The following TENT4B variants were observed in gnomAD, a reference collection of about 807,000 sequenced individuals.
TENT4B encodes terminal nucleotidyltransferase 4B.
TENT4B carries 10 observed loss-of-function variants against 75.0 expected under a neutral mutation model. That is an observed-to-expected ratio of 0.13 (90% confidence interval 0.08 to 0.23). TENT4B has a LOEUF of 0.23. Among genes scored for constraint, TENT4B ranks in the 10% least tolerant of loss-of-function variants. TENT4B has a pLI of 1.00. For missense variants in TENT4B, 579 were observed against 893.8 expected, an observed-to-expected ratio of 0.65 and a Z score of 4.49; for synonymous variants, 350 against 357.7, an observed-to-expected ratio of 0.98 and a Z score of 0.24.
intron 1 of TENT4B, among the ~76,000 whole-genome samples, chr16:50,185,538 A>G (rs6500298): frequency 0.67 from 101,509 of 152,120 alleles, 35,751 homozygotes; most frequent in South Asian, 0.77. Flanking sequence ...TTCACTGTGT[A>G]AAATGGTTGA....
intron 1 of TENT4B, among the ~76,000 whole-genome samples, chr16:50,169,387 G>GTTTTTTTTTTTTTTTTTTT (rs552275205): frequency 1.5e-5 from 1 of 65,780 alleles, no homozygotes; most frequent in African/African-American, 6.0e-5. Context: ...GATTTTGTGG[G>GTTTTTTTTTTTTTTTTTTT]TTTTTTTTTT....
chr16:50,216,075 T>C lies in TENT4B; in HGVS notation c.810T>C (p.Ser270=), dbSNP rs1863708941. 6.2e-7 allele frequency: 1 copy of C among 1,613,820 alleles called. No individual in the cohort carries two copies. Among genetic ancestry groups the C allele is most frequent in the South Asian group, 1.1e-5 (1 of 91,078 alleles). Residue 270 remains serine (S), a splice_region_variant and synonymous_variant, in exon 4 of 12, where the codon AGT becomes AGC. Coordinates refer to ENST00000561678, the MANE Select transcript of TENT4B (RefSeq NM_001365324.3). ...TCTTGTATATGTATTCTGTGTTCAG[T>C]GACATCGACCTAGTGGTGTTTGGGA... is the stretch of plus-strand genomic sequence containing the variant. The part of the protein sequence containing the change: ...SFKTGLYLPT[S]DIDLVVFGKW...
chr16:50,186,714 C>T (rs2038533980), intron 1 of TENT4B, among the ~76,000 whole-genome samples: 1 of 152,000 alleles, frequency 6.6e-6, no homozygotes, highest in South Asian at 2.1e-4. Context: ...AGTTCAAGGG[C>T]TCCAGTCTCT....
intron 1 of TENT4B, among the ~76,000 whole-genome samples, chr16:50,158,810 C>G (rs965126406): frequency 6.6e-6 from 1 of 151,976 alleles, no homozygotes; most frequent in Non-Finnish European, 1.5e-5. Flanking sequence ...ATTTCTTAAA[C>G]TAGGATGGTG....
rs1183306874 is a variant in TENT4B at position 50,154,037 on chromosome 16, C to T, written c.416C>T (p.Pro139Leu). 1.3e-6 allele frequency: 2 copies of T among 1,532,550 alleles called. No homozygotes were observed. Among genetic ancestry groups the T allele is most frequent in the African/African-American group, 1.4e-5 (1 of 72,796 alleles). 94.9% of individuals were successfully genotyped at this position (1,532,550 alleles called of 1,614,324 possible). Residue 139 changes from proline to leucine, a missense_variant, in exon 1 of 12, where the codon CCG (proline) becomes CTG (leucine). By Grantham distance (98) the Pro-to-Leu change is moderately conservative (BLOSUM62 -3). Around this residue, in one of 7 missense-constraint regions of TENT4B, gnomAD observed 253 missense variants for 270.1 expected, o/e 0.94. Transcript: ENST00000561678. ...ASSPPSASSS[P>L]HPSAAVPAAD... ...TCGCCTCCCTCGGCGTCCTCGTCCC[C>T]GCACCCTTCGGCCGCCGTCCCCGCC...
chr16:50,154,079 C>T lies in TENT4B; in HGVS notation c.458C>T (p.Ser153Leu). Residue 153 changes from serine (S) to leucine (L), a missense_variant, in exon 1 of 12, where the codon TCG (serine) becomes TTG (leucine). Coordinates refer to ENST00000561678, the MANE Select transcript of TENT4B (RefSeq NM_001365324.3). ...GTCCCCGCCGCCGATCCAGCCGATT[C>T]GGCCTCGGGCAGCAGCAACAAGAGG... ...AAVPAADPAD[S>L]ASGSSNKRKR... The T allele has an allele frequency of 6.5e-7, 1 of 1,529,698 alleles. No individual in the cohort carries two copies. The highest frequency in any genetic ancestry group is 8.7e-7 in the Non-Finnish European group (1 of 1,144,360). The allele number at this position is 1,529,698 out of a possible 1,614,324, so 94.8% of individuals were successfully genotyped here.
At chr16:50,199,222 G>A (rs2030479527) in intron 1 of TENT4B, among the ~76,000 whole-genome samples, 1 of 152,248 alleles carries the variant, frequency 6.6e-6, no homozygotes, top group Non-Finnish European at 1.5e-5. Context: ...GGGGCCATGT[G>A]CCCATCCCTG....
At chr16:50,227,713 T>A in intron 10 of TENT4B, 126 bp from the exon 11 acceptor site, 1 of 1,017,158 alleles carries the variant, frequency 9.8e-7, no homozygotes, top group Non-Finnish European at 1.4e-6. Flanking sequence ...TTTTGTGTGC[T>A]TCTTTTAACT....
Position 50,222,353 on chromosome 16 carries a change from A to C in TENT4B, c.1086A>C (p.Leu362=). ...TGGTTTTAGTATTGAAACAATTCCT[A>C]TTGCAGAGGGACCTTAATGAAGTAT... The part of the protein sequence containing the change: ...PYLVLVLKQF[L]LQRDLNEVFT... The change falls in exon 6 of 12, where the codon CTA becomes CTC. Residue 362 remains leucine (L), a synonymous_variant. Transcript: ENST00000561678. 6.2e-7 allele frequency: 1 copy of C among 1,610,898 alleles called. No homozygotes were observed. Among genetic ancestry groups the C allele is most frequent in the Non-Finnish European group, 8.5e-7 (1 of 1,178,070 alleles).
At chr16:50,162,578 A>G (rs1369206493) in intron 1 of TENT4B, among the ~76,000 whole-genome samples, 1 of 152,142 alleles carries the variant, frequency 6.6e-6, no homozygotes, top group Non-Finnish European at 1.5e-5. Flanking sequence ...AACTTTTTTT[A>G]TTTTAAAACA....
At position 50,197,991 on chromosome 16, in the gene TENT4B, C is replaced by T. The variant is rs1245566086; in HGVS notation, c.639-13332C>T. On this transcript the variant is annotated intron_variant, in intron 1 of 11. Transcript: ENST00000561678. Reference sequence around the variant, plus strand: ...AATCCGTAACAAGACAGGATGCCTGCCCTCACCATGTTATTTGATCTTATT... The same window carrying T: ...AATCCGTAACAAGACAGGATGCCTGTCCTCACCATGTTATTTGATCTTATT... 2.0e-5 allele frequency among the ~76,000 whole-genome samples: 3 copies of T among 152,166 alleles called. No individual in the cohort carries two copies. The East Asian group carries it at 5.8e-4, about 29-fold the overall frequency.
chr16:50,230,773 T>G lies in TENT4B; in HGVS notation c.*1445T>G. 1 of 985,836 alleles carries G rather than the reference T, an allele frequency of 1.0e-6. No homozygotes were observed. Among genetic ancestry groups the G allele is most frequent in the Non-Finnish European group, 1.2e-6 (1 of 829,898 alleles). The allele number at this position is 985,836 out of a possible 1,614,324, so 61.1% of individuals were successfully genotyped here. ...ATTCTGTTATCATTACCTGTTGAGTTTGAAACTCAGTTGGGAATATTTAAT... is the reference window on the plus strand; with the variant it reads ...ATTCTGTTATCATTACCTGTTGAGTGTGAAACTCAGTTGGGAATATTTAAT... On this transcript the variant is annotated 3_prime_UTR_variant, in exon 12 of 12. Transcript: ENST00000561678.
chr16:50,173,465 G>C (rs1193885253), intron 1 of TENT4B, among the ~76,000 whole-genome samples: 1 of 152,136 alleles, frequency 6.6e-6, no homozygotes, highest in East Asian at 1.9e-4. Context: ...AGTATGTTTA[G>C]TTTTGTAAGA....
rs1309497792 is a variant in TENT4B at position 50,232,026 on chromosome 16, A to C, written c.*2698A>C. ...AATGGGATTTTACAAATTCTCCCTCACTCTGGTGACATTTCTCAGGCAGTC... is the reference window on the plus strand; with the variant it reads ...AATGGGATTTTACAAATTCTCCCTCCCTCTGGTGACATTTCTCAGGCAGTC... On this transcript the variant is annotated 3_prime_UTR_variant, in exon 12 of 12. Coordinates refer to ENST00000561678, the MANE Select transcript of TENT4B (RefSeq NM_001365324.3). 2 of 985,052 alleles carry C rather than the reference A, an allele frequency of 2.0e-6. No homozygotes were observed. Among genetic ancestry groups the C allele is most frequent in the East Asian group, 2.3e-4 (2 of 8,812 alleles). The allele number at this position is 985,052 out of a possible 1,614,324, so 61.0% of individuals were successfully genotyped here.
chr16:50,163,985 G>A (rs1354571460), intron 1 of TENT4B, among the ~76,000 whole-genome samples: 2 of 151,322 alleles, frequency 1.3e-5, no homozygotes, highest in Non-Finnish European at 2.9e-5. Flanking sequence ...TGGATAAACC[G>A]CCTCTCTACT....
Position 50,231,538 on chromosome 16 carries a change from C to G in TENT4B, c.*2210C>G. 1 of 985,666 alleles carries G rather than the reference C, an allele frequency of 1.0e-6. No individual in the cohort carries two copies. The highest frequency in any genetic ancestry group is 1.2e-6 in the Non-Finnish European group (1 of 829,866). 61.1% of individuals were successfully genotyped at this position (985,666 alleles called of 1,614,324 possible). A position where few individuals can be genotyped will look rare whatever the true frequency, so the allele number is the denominator to read the frequency against. ...CTCTTAGGGTGCGAATATTAGTGTT[C>G]CAATAAGCATGTGATTATATTAAGG... On this transcript the variant is annotated 3_prime_UTR_variant, in exon 12 of 12. Coordinates refer to ENST00000561678, the MANE Select transcript of TENT4B (RefSeq NM_001365324.3).
At position 50,232,194 on chromosome 16, in the gene TENT4B, T is replaced by C; in HGVS notation, c.*2866T>C. The C allele has an allele frequency of 1.0e-6, 1 of 985,440 alleles. No homozygotes were observed. The highest frequency in any genetic ancestry group is 4.7e-5 in the South Asian group (1 of 21,288). 61.0% of individuals were successfully genotyped at this position (985,440 alleles called of 1,614,324 possible). On this transcript the variant is annotated 3_prime_UTR_variant, in exon 12 of 12. Coordinates refer to ENST00000561678, the MANE Select transcript of TENT4B (RefSeq NM_001365324.3). ...TATATCCATTTTTTCCCTCCAGCTT[T>C]AAGGTGACTGTGAAGGTGCCTGGTT...
At chr16:50,170,617 C>T (rs1194132361) in intron 1 of TENT4B, among the ~76,000 whole-genome samples, 1 of 151,762 alleles carries the variant, frequency 6.6e-6, no homozygotes, top group African/African-American at 2.4e-5. Flanking sequence ...TGCAGTTGTT[C>T]CTGGGGAAGT....
At position 50,178,638 on chromosome 16, in the gene TENT4B, G is replaced by T. The variant is rs148867435; in HGVS notation, c.638+24379G>T. On this transcript the variant is annotated intron_variant, in intron 1 of 11. Coordinates refer to ENST00000561678, the MANE Select transcript of TENT4B (RefSeq NM_001365324.3). Reference sequence around the variant, plus strand: ...ATTCAGCCTTTAAAAATAAGAAAATGCTGACACTGCTGTAACATGGATGAA... The same window carrying T: ...ATTCAGCCTTTAAAAATAAGAAAATTCTGACACTGCTGTAACATGGATGAA... Among the ~76,000 whole-genome samples the T allele has an allele frequency of 1.4e-4, 21 of 152,226 alleles. 1 individual carries two copies. In the East Asian group the frequency reaches 3.7e-3, roughly 27 times the overall value.
Sources: gnomAD v4.1 joint callset for allele counts (sites outside exome capture counted in the v4.1 genomes callset) on GRCh38, gnomAD v4.1.1 for gene constraint, gnomAD v4.1.1 regional missense constraint, MANE v1.5 for transcripts, NCBI Gene and HGNC (gene_info 2026-07-23, HGNC 2026-07-21) for gene names.